The following CHD1 variants were observed in gnomAD, a reference collection of about 807,000 sequenced individuals.
The protein encoded by CHD1 is chromodomain helicase DNA binding protein 1, also known as ATP-dependent chromatin remodeler CHD1.
CHD1 carries 36 observed loss-of-function variants against 224.2 expected under a neutral mutation model. The ratio of observed to expected loss-of-function variants is 0.16; its 90% CI spans 0.12 to 0.21. The LOEUF is 0.21. CHD1 is among the 10% of genes least tolerant of loss of function. The pLI is 1.00. For missense variants in CHD1, 1,378 were observed against 1,994.8 expected (o/e 0.69, Z 5.89); for synonymous variants, 668 against 658.3 (o/e 1.01, Z -0.23).
chr5:98,892,462 G>A (rs2112471841), intron 15 of CHD1, 63 bp downstream of exon 15: 3 of 1,253,900 alleles, frequency 2.4e-6, no homozygotes, highest in East Asian at 2.4e-5. Flanking sequence ...ACCAAAAGCA[G>A]GACACAGACA....
At chr5:98,904,800 C>A in intron 3 of CHD1, 97 bp downstream of exon 3, 1 of 1,069,794 alleles carries the variant, frequency 9.3e-7, no homozygotes, top group Non-Finnish European at 1.4e-6. Context: ...ATGTTGTCTT[C>A]TCTAAAAGCT....
rs892820400 is a variant in CHD1, at chr5:98,901,016, C to T, written c.654G>A (p.Glu218=). Residue 218 remains glutamate, a synonymous_variant, in exon 7 of 36, where the codon GAG becomes GAA. Transcript: ENST00000614616. The stretch of plus-strand genomic sequence containing the variant: ...TATCATAATCTTCTTCATCATCATC[C>T]TCCTCAGATGAATCAATCTGTCTCT... ...QKKRQIDSSE[E]DDDEEDYDND... The T allele has an allele frequency of 2.5e-6, 4 of 1,613,370 alleles. No homozygotes were observed. The African/African-American group carries it at 5.3e-5, about 22-fold the overall frequency.
intron 19 of CHD1, among the ~76,000 whole-genome samples, 199 bp downstream of exon 19, chr5:98,882,889 C>T (rs1202156088): frequency 6.6e-6 from 1 of 152,038 alleles, no homozygotes; most frequent in Non-Finnish European, 1.5e-5. Flanking sequence ...ATACATGATC[C>T]TATATATGCA....
At chr5:98,919,836 T>C (rs1471106168) in intron 2 of CHD1, among the ~76,000 whole-genome samples, 1 of 152,188 alleles carries the variant, frequency 6.6e-6, no homozygotes, top group Non-Finnish European at 1.5e-5. Context: ...CTTTGTTCAC[T>C]GAGAGGAAAT....
chr5:98,881,346 G>A lies in CHD1; in HGVS notation c.2897C>T (p.Ser966Leu). 1.3e-6 allele frequency: 2 copies of A among 1,540,156 alleles called. No individual in the cohort carries two copies. Among genetic ancestry groups the A allele is most frequent in the Non-Finnish European group, 1.7e-6 (2 of 1,143,204 alleles). ...TTCAGCACCAAACTTTAAAATGGCT[G>A]ATAACTCTTCTTTATTGAAAGGAGT... ...SSTPFNKEEL[S>L]AILKFGAEEL... Residue 966 changes from serine to leucine, a missense_variant, in exon 21 of 36, where the codon TCA becomes TTA. Around this residue, in one of 16 missense-constraint regions of CHD1, gnomAD observed 286 missense variants for 445.1 expected, o/e 0.64. Transcript: ENST00000614616.
intron 30 of CHD1, 47 bp from the exon 31 acceptor site, chr5:98,868,682 C>G (rs747233037): frequency 6.7e-7 from 1 of 1,495,608 alleles, no homozygotes; most frequent in African/African-American, 1.4e-5. Flanking sequence ...CCAATAGCAA[C>G]AAAGGCAAAA....
At chr5:98,917,424 C>T (rs1752809848) in intron 2 of CHD1, among the ~76,000 whole-genome samples, 1 of 152,048 alleles carries the variant, frequency 6.6e-6, no homozygotes, top group Admixed American at 6.6e-5. Flanking sequence ...ATCCACCTGA[C>T]ATATACATGT....
chr5:98,860,841 T>C (rs1748414143), intron 32 of CHD1, among the ~76,000 whole-genome samples: 2 of 152,204 alleles, frequency 1.3e-5, no homozygotes, highest in Non-Finnish European at 2.9e-5. Flanking sequence ...TATTGAATGA[T>C]ACCTTACTGA....
intron 2 of CHD1, among the ~76,000 whole-genome samples, chr5:98,916,327 CCT>C: frequency 6.6e-6 from 1 of 151,956 alleles, no homozygotes; most frequent in South Asian, 2.1e-4. Context: ...AGGTGGACCA[CCT>C]GAGTTCAGGA....
At chr5:98,873,553 C>T (rs753585912) in intron 26 of CHD1, 40 bp downstream of exon 26, 5 of 1,487,640 alleles carry the variant, frequency 3.4e-6, no homozygotes, top group Non-Finnish European at 4.5e-6. Context: ...TTGAAGCTTT[C>T]ATTTACTTCT....
intron 24 of CHD1, 89 bp from the exon 25 acceptor site, chr5:98,875,202 C>A: frequency 2.7e-6 from 2 of 741,034 alleles, no homozygotes; most frequent in Non-Finnish European, 4.5e-6. Context: ...TAAGAAAATA[C>A]TTGTTAGTAT....
intron 2 of CHD1, among the ~76,000 whole-genome samples, chr5:98,907,818 T>C (rs1047561628): frequency 1.3e-5 from 2 of 151,308 alleles, no homozygotes; most frequent in Non-Finnish European, 2.9e-5. Flanking sequence ...GAGGGAAGAG[T>C]AGAAGGAACA....
At chr5:98,880,158 G>C (rs183051681) in intron 22 of CHD1, among the ~76,000 whole-genome samples, 24 of 152,176 alleles carry the variant, frequency 1.6e-4, no homozygotes, top group Non-Finnish European at 2.5e-4. Flanking sequence ...AGCTCTTTGA[G>C]AGCACACTAA....
intron 31 of CHD1, among the ~76,000 whole-genome samples, chr5:98,867,558 ATGTG>A (rs71226948): frequency 6.6e-6 from 1 of 150,840 alleles, no homozygotes; most frequent in African/African-American, 2.4e-5. Flanking sequence ...ACTATTACAC[ATGTG>A]TGTGTGTGTG....
chr5:98,872,666 T>TTG, intron 26 of CHD1, 111 bp from the exon 27 acceptor site: 1 of 881,882 alleles, frequency 1.1e-6, no homozygotes, highest in Non-Finnish European at 1.8e-6. Flanking sequence ...GTATTCCTTA[T>TTG]TTATATTATT....
At chr5:98,884,716 T>C (rs533987276) in intron 18 of CHD1, among the ~76,000 whole-genome samples, 4 of 151,178 alleles carry the variant, frequency 2.6e-5, no homozygotes, top group African/African-American at 9.7e-5. Context: ...GGGTTTTTTC[T>C]TTCCCTTTTT....
At chr5:98,915,733 G>C (rs1365676578) in intron 2 of CHD1, among the ~76,000 whole-genome samples, 3 of 152,012 alleles carry the variant, frequency 2.0e-5, no homozygotes, top group Non-Finnish European at 2.9e-5. Context: ...AGGTGGGAGA[G>C]GGTAACAGGA....
At chr5:98,905,760 T>C (rs958281848) in intron 2 of CHD1, among the ~76,000 whole-genome samples, 2 of 152,200 alleles carry the variant, frequency 1.3e-5, no homozygotes, top group Non-Finnish European at 2.9e-5. Context: ...TCCTAACGTG[T>C]ATACACACAC....
intron 34 of CHD1, 137 bp from the exon 35 acceptor site, chr5:98,858,527 T>A: frequency 1.5e-6 from 1 of 658,530 alleles, no homozygotes; most frequent in East Asian, 2.7e-5. Context: ...TTAAAGCATT[T>A]AGAAATGGTG....
Sources: gnomAD v4.1 joint callset for allele counts (sites outside exome capture counted in the v4.1 genomes callset) on GRCh38, gnomAD v4.1.1 for gene constraint, gnomAD v4.1.1 regional missense constraint, MANE v1.5 for transcripts, NCBI Gene and HGNC (gene_info 2026-07-23, HGNC 2026-07-21) for gene names.